CEP57: variants seen among roughly 807,000 people sequenced by gnomAD.
CEP57 encodes the protein centrosomal protein 57, also known as centrosomal protein of 57 kDa.
Under a neutral mutation model 68.0 loss-of-function variants are expected in CEP57, and 40 were observed. The ratio of observed to expected loss-of-function variants is 0.59; its 90% confidence interval spans 0.46 to 0.77. The LOEUF (loss-of-function observed/expected upper bound fraction) is 0.77. CEP57 is among the 30% of genes least tolerant of loss of function. The pLI is 0.00. For synonymous variants in CEP57, 219 were observed against 198.7 expected, an observed-to-expected ratio of 1.10 and a Z score of -0.86; for missense variants, 606 against 580.7, an observed-to-expected ratio of 1.04 and a Z score of -0.45.
intron 1 of CEP57, chr11:95,795,499 C>CTTT (rs5793747): frequency 7.1e-4 from 266 of 374,472 alleles, no homozygotes; most frequent in South Asian, 2.4e-3. Flanking sequence ...AGCTGTTATT[C>CTTT]TTTTTTTTTT....
At chr11:95,803,025 A>G (rs890718753) in intron 2 of CEP57, among the ~76,000 whole-genome samples, 1 of 152,188 alleles carries the variant, frequency 6.6e-6, no homozygotes, top group African/African-American at 2.4e-5. Flanking sequence ...CACACATTGT[A>G]TGTGGTCTAT....
At chr11:95,821,725 G>T in intron 6 of CEP57, 146 bp from the exon 7 acceptor site, 1 of 629,084 alleles carries the variant, frequency 1.6e-6, no homozygotes, top group East Asian at 2.9e-5. Flanking sequence ...TTGATAGATT[G>T]GTTCAAGACA....
intron 2 of CEP57, among the ~76,000 whole-genome samples, chr11:95,812,235 C>T (rs944629302): frequency 2.3e-4 from 35 of 151,880 alleles, no homozygotes; most frequent in Admixed American, 2.2e-3. Context: ...GTAATAGTTA[C>T]TAATACATTT....
chr11:95,828,810 C>G (rs1411975853), intron 9 of CEP57, among the ~76,000 whole-genome samples: 1 of 152,008 alleles, frequency 6.6e-6, no homozygotes, highest in Non-Finnish European at 1.5e-5. Context: ...CACCTGTAAT[C>G]CCAGCACTTT....
intron 8 of CEP57, chr11:95,826,224 A>G (rs1354599378): frequency 1.3e-5 from 2 of 152,098 alleles, no homozygotes; most frequent in Non-Finnish European, 2.9e-5. Context: ...TAGTAAATAT[A>G]CTTTCTCTTC....
chr11:95,797,850 C>T (rs1591046721), intron 1 of CEP57, among the ~76,000 whole-genome samples: 1 of 152,182 alleles, frequency 6.6e-6, no homozygotes, highest in Non-Finnish European at 1.5e-5. Flanking sequence ...GGGTGGTCGG[C>T]AAGTCACTTA....
In CEP57 at chr11:95,813,386, A is replaced by G. The variant is rs1383060522; in HGVS notation, c.383-82A>G. On this transcript the variant is annotated intron_variant, in intron 3 of 10. Coordinates refer to ENST00000325542, the MANE Select transcript of CEP57 (RefSeq NM_014679.5). ...GGAAGGTGTTTTTATTGTATACACA[A>G]TAGATCCAATTCCTGTTAACAGCTT... The G allele has an allele frequency of 3.9e-6, 6 of 1,525,376 alleles. 1 individual carries two copies. The South Asian group carries it at 4.6e-5, about 12-fold the overall frequency. The allele number at this position is 1,525,376 out of a possible 1,614,324, so 94.5% of individuals were successfully genotyped here. A position where few individuals can be genotyped will look rare whatever the true frequency, so the allele number is the denominator to read the frequency against.
chr11:95,798,936 T>C (rs1011101434), intron 1 of CEP57, among the ~76,000 whole-genome samples: 1 of 152,248 alleles, frequency 6.6e-6, no homozygotes, highest in Admixed American at 6.5e-5. Context: ...TCACAGTATA[T>C]ATTTTTAACT....
chr11:95,806,436 G>A (rs191384824), intron 2 of CEP57, among the ~76,000 whole-genome samples: 37 of 152,268 alleles, frequency 2.4e-4, no homozygotes, highest in Admixed American at 3.9e-4. Flanking sequence ...TGTCTCACCC[G>A]GGAAGCGCAA....
rs182610950 is a variant in CEP57, at chr11:95,831,443, G to A, written c.*187G>A. 42 of 519,264 alleles carry A rather than the reference G, an allele frequency of 8.1e-5. No homozygotes were observed. Among genetic ancestry groups the A allele is most frequent in the African/African-American group, 7.7e-4 (40 of 51,974 alleles). 32.2% of individuals were successfully genotyped at this position (519,264 alleles called of 1,614,324 possible). On this transcript the variant is annotated 3_prime_UTR_variant, in exon 11 of 11. Transcript: ENST00000325542. ...TGACTCAATGTTAAAGCATTTAAAT[G>A]GAAACCAGGGGAGTTTTAAAGCCCG...
chr11:95,812,874 A>T, intron 2 of CEP57, 58 bp from the exon 3 acceptor site: 2 of 1,461,068 alleles, frequency 1.4e-6, no homozygotes, highest in Non-Finnish European at 1.9e-6. Flanking sequence ...ATTCTTTCTT[A>T]ATATACTTTC....
At chr11:95,827,688 T>C in intron 8 of CEP57, 98 bp from the exon 9 acceptor site, 3 of 1,354,482 alleles carry the variant, frequency 2.2e-6, no homozygotes, top group Non-Finnish European at 3.1e-6. Context: ...TACTCTACTT[T>C]AGGGGGTGGA....
chr11:95,813,389 G>C, intron 3 of CEP57, 79 bp from the exon 4 acceptor site: 16 of 1,532,406 alleles, frequency 1.0e-5, no homozygotes, highest in Non-Finnish European at 1.4e-5. Context: ...ATACACAATA[G>C]ATCCAATTCC....
upstream of CEP57, chr11:95,790,440 C>G (rs1860961234): frequency 5.2e-6 from 3 of 575,894 alleles, no homozygotes; most frequent in East Asian, 8.6e-5. Context: ...TCTCCTACTA[C>G]AGAAAGACGT....
chr11:95,822,031 T>A, intron 7 of CEP57, 53 bp downstream of exon 7: 1 of 1,185,912 alleles, frequency 8.4e-7, no homozygotes, highest in Non-Finnish European at 1.3e-6. Context: ...GTATAGTTTA[T>A]GTCAAAACAC....
At chr11:95,801,427 C>T (rs1324936364) in intron 2 of CEP57, among the ~76,000 whole-genome samples, 1 of 75,884 alleles carries the variant, frequency 1.3e-5, no homozygotes, top group Admixed American at 1.5e-4. Flanking sequence ...GCATGACATT[C>T]AAACAACATA....
At chr11:95,818,565 C>T (rs1232305375) in intron 5 of CEP57, among the ~76,000 whole-genome samples, 1 of 152,124 alleles carries the variant, frequency 6.6e-6, no homozygotes, top group Non-Finnish European at 1.5e-5. Flanking sequence ...CTCCCTATCC[C>T]TCTTTACATT....
At position 95,832,174 on chromosome 11, in the gene CEP57, T is replaced by G. The variant is rs1475101802; in HGVS notation, c.*918T>G. The G allele has an allele frequency of 2.6e-5, 4 of 152,118 alleles. No homozygotes were observed. The highest frequency in any genetic ancestry group is 4.4e-5 in the Non-Finnish European group (3 of 67,988). 9.4% of individuals were successfully genotyped at this position (152,118 alleles called of 1,614,324 possible). The stretch of plus-strand genomic sequence containing the variant: ...GATATAAATCATAATTTCAACTAGA[T>G]CAAGACATGTTAACCTTTTATAAAT... On this transcript the variant is annotated 3_prime_UTR_variant, in exon 11 of 11. Transcript: ENST00000325542.
intron 2 of CEP57, among the ~76,000 whole-genome samples, chr11:95,809,392 C>CA (rs1322282292): frequency 5.3e-5 from 8 of 152,092 alleles, no homozygotes; most frequent in Middle Eastern, 3.2e-3. Context: ...AAAAACCCTT[C>CA]AAAAAATCAG....
Sources: gnomAD v4.1 joint callset for allele counts (sites outside exome capture counted in the v4.1 genomes callset) on GRCh38, gnomAD v4.1.1 for gene constraint, MANE v1.5 for transcripts, NCBI Gene and HGNC (gene_info 2026-07-23, HGNC 2026-07-21) for gene names.